LTBP1: variants seen among roughly 807,000 people sequenced by gnomAD.
The protein encoded by LTBP1 is latent transforming growth factor beta binding protein 1.
Under a neutral mutation model 207.6 loss-of-function variants are expected in LTBP1, and 129 were observed. That is an observed-to-expected ratio of 0.62 (90% CI 0.54 to 0.72). LTBP1 has a LOEUF of 0.72. Among genes scored for constraint, LTBP1 ranks in the 30% least tolerant of loss-of-function variants. The pLI, the probability that LTBP1 is intolerant of heterozygous loss-of-function variation, is 0.00. For synonymous variants in LTBP1, 963 were observed against 833.7 expected, an observed-to-expected ratio of 1.16 and a Z score of -2.67; for missense variants, 2,281 against 2,217.2, an observed-to-expected ratio of 1.03 and a Z score of -0.58.
At chr2:33,051,124 A>G (rs1425325319) in intron 3 of LTBP1, among the ~76,000 whole-genome samples, 1 of 152,084 alleles carries the variant, frequency 6.6e-6, no homozygotes, top group Non-Finnish European at 1.5e-5. Context: ...TGCTGTAAAA[A>G]CTATAGTCCC....
chr2:33,247,523 A>G (rs1238432552), intron 10 of LTBP1, among the ~76,000 whole-genome samples: 1 of 152,240 alleles, frequency 6.6e-6, no homozygotes, highest in African/African-American at 2.4e-5. Context: ...TCATTTACTT[A>G]TTGCCTAATG....
chr2:33,373,807 T>G (rs2095101888), intron 31 of LTBP1, among the ~76,000 whole-genome samples: 4 of 152,204 alleles, frequency 2.6e-5, no homozygotes. Context: ...TAAAGTTGTA[T>G]TTAATGAAAT....
At position 33,137,110 on chromosome 2, in the gene LTBP1, A is replaced by G. The variant is rs149380780; in HGVS notation, c.1201+2150A>G. Among the ~76,000 whole-genome samples the G allele has an allele frequency of 5.3e-3, 803 of 152,324 alleles. 9 individuals are homozygous for G. The highest frequency in any genetic ancestry group is 0.018 in the African/African-American group (752 of 41,570). The stretch of plus-strand genomic sequence containing the variant: ...TTCTTTCTTTAAGAATGGTAATTTT[A>G]TAGAACTTATAGACTGTGATCCTTT... On this transcript the variant is annotated intron_variant, in intron 5 of 33. Transcript: ENST00000404816.
intron 3 of LTBP1, among the ~76,000 whole-genome samples, chr2:33,093,212 A>G (rs2079200453): frequency 1.3e-5 from 2 of 152,246 alleles, no homozygotes; most frequent in Non-Finnish European, 2.9e-5. Flanking sequence ...TTTCACTTAC[A>G]TGTATTTTCA....
chr2:33,384,399 C>T (rs762175097), intron 31 of LTBP1, among the ~76,000 whole-genome samples: 2 of 151,988 alleles, frequency 1.3e-5, no homozygotes, highest in South Asian at 2.1e-4. Flanking sequence ...TGCAGTGGGT[C>T]GGGGAGGGTC....
chr2:33,366,973 A>G (rs1177036807), intron 31 of LTBP1, among the ~76,000 whole-genome samples: 3 of 152,140 alleles, frequency 2.0e-5, no homozygotes, highest in Non-Finnish European at 2.9e-5. Context: ...TAAAATAATC[A>G]AAGAGGTTAT....
rs375220047 is a variant in LTBP1, at chr2:33,252,884, C to T, written c.2167+40C>T. On this transcript the variant is annotated intron_variant, in intron 11 of 33. Transcript: ENST00000404816. ...GCTGTATGCGCACATAGATTCCCAG[C>T]CACATGAGTACACGGGACAACTTTG... 201 of 1,528,270 alleles carry T rather than the reference C, an allele frequency of 1.3e-4. No individual in the cohort carries two copies. The African/African-American group carries it at 2.4e-3, about 19-fold the overall frequency. 94.7% of individuals were successfully genotyped at this position (1,528,270 alleles called of 1,614,324 possible). A position where few individuals can be genotyped will look rare whatever the true frequency, so the allele number is the denominator to read the frequency against.
At chr2:33,363,731 A>C (rs1231070955) in intron 29 of LTBP1, among the ~76,000 whole-genome samples, 1 of 152,210 alleles carries the variant, frequency 6.6e-6, no homozygotes, top group Non-Finnish European at 1.5e-5. Context: ...TCAAACAAAG[A>C]GTTAATATTC....
In LTBP1 at chr2:33,301,434, C is replaced by A; in HGVS notation, c.3359-88C>A. ...CATTACTTGTATCAACATTGTCTTTCTAGAATTTACACTGATCCAATTGAG... is the reference window on the plus strand; with the variant it reads ...CATTACTTGTATCAACATTGTCTTTATAGAATTTACACTGATCCAATTGAG... On this transcript the variant is annotated intron_variant, in intron 21 of 33. Transcript: ENST00000404816. 5 of 1,399,258 alleles carry A rather than the reference C, an allele frequency of 3.6e-6. No homozygotes were observed. The South Asian group carries it at 7.1e-5, about 20-fold the overall frequency. The allele number at this position is 1,399,258 out of a possible 1,614,324, so 86.7% of individuals were successfully genotyped here.
intron 4 of LTBP1, among the ~76,000 whole-genome samples, chr2:33,113,298 A>G (rs1001633400): frequency 2.0e-5 from 3 of 152,230 alleles, no homozygotes; most frequent in Non-Finnish European, 2.9e-5. Context: ...CTCTTAGCTC[A>G]TAATAGGAGA....
chr2:33,392,473 C>A (rs1412654343), intron 32 of LTBP1, among the ~76,000 whole-genome samples: 1 of 152,196 alleles, frequency 6.6e-6, no homozygotes, highest in East Asian at 1.9e-4. Flanking sequence ...GTGTGAGACA[C>A]CGCACCGAGC....
intron 7 of LTBP1, among the ~76,000 whole-genome samples, chr2:33,193,308 A>T (rs1281771245): frequency 6.6e-6 from 1 of 151,930 alleles, no homozygotes; most frequent in African/African-American, 2.4e-5. Flanking sequence ...CACCCAGCTA[A>T]TTTTTGTATT....
intron 18 of LTBP1, 51 bp downstream of exon 18, chr2:33,275,974 G>C: frequency 6.6e-7 from 1 of 1,511,778 alleles, no homozygotes; most frequent in Non-Finnish European, 8.8e-7. Flanking sequence ...TGCAGGGTTG[G>C]TAGGCACCTT....
Position 33,263,292 on chromosome 2 carries a change from A to T in LTBP1, c.2519-2A>T, listed in dbSNP as rs1383797085. The T allele has an allele frequency of 6.3e-7, 1 of 1,588,890 alleles. No homozygotes were observed. Among genetic ancestry groups the T allele is most frequent in the Admixed American group, 1.7e-5 (1 of 59,986 alleles). The stretch of plus-strand genomic sequence containing the variant: ...CTTTTTATCCTCTGCTTCCTCATAT[A>T]GTAGTGATTGAAAAAACATCACCTC... On this transcript the variant is annotated splice_acceptor_variant, in intron 14 of 33. Coordinates refer to ENST00000404816, the MANE Select transcript of LTBP1 (RefSeq NM_206943.4). LOFTEE classifies it high-confidence loss of function.
chr2:33,376,065 T>C (rs1266461757), intron 31 of LTBP1, among the ~76,000 whole-genome samples: 1 of 152,234 alleles, frequency 6.6e-6, no homozygotes, highest in African/African-American at 2.4e-5. Flanking sequence ...AATTAAAATT[T>C]TGAACACTTT....
chr2:33,391,586 G>A (rs767880682), intron 32 of LTBP1, among the ~76,000 whole-genome samples: 1 of 152,142 alleles, frequency 6.6e-6, no homozygotes, highest in Non-Finnish European at 1.5e-5. Context: ...CAATAACTCT[G>A]TTCTTAGATG....
At chr2:33,336,386 G>C (rs2149559587) in intron 24 of LTBP1, among the ~76,000 whole-genome samples, 1 of 152,314 alleles carries the variant, frequency 6.6e-6, no homozygotes, top group Admixed American at 6.5e-5. Context: ...ACCAGGCCCT[G>C]TTCCTCTGCC....
intron 3 of LTBP1, among the ~76,000 whole-genome samples, chr2:33,089,155 C>CAAAAAAA (rs61009791): frequency 2.3e-4 from 22 of 96,270 alleles, no homozygotes; most frequent in South Asian, 3.6e-4. Flanking sequence ...GACTCAGTCT[C>CAAAAAAA]AAAAAAAAAA....
Position 33,252,813 on chromosome 2 carries a change from A to C in LTBP1, c.2136A>C (p.Pro712=), listed in dbSNP as rs1405782725. 1.9e-6 allele frequency: 3 copies of C among 1,610,496 alleles called. No individual in the cohort carries two copies. In the African/African-American group the frequency reaches 4.0e-5, roughly 22 times the overall value. Residue 712 remains proline (P), a synonymous_variant, in exon 11 of 34, where the codon CCA becomes CCC. Coordinates refer to ENST00000404816, the MANE Select transcript of LTBP1 (RefSeq NM_206943.4). ...CCCSVGKAWG[P]HCEKCPLPGT... ...GTAGTGTGGGCAAGGCCTGGGGCCC[A>C]CACTGTGAGAAATGTCCCCTTCCAG...
Sources: gnomAD v4.1 joint callset for allele counts (sites outside exome capture counted in the v4.1 genomes callset) on GRCh38, gnomAD v4.1.1 for gene constraint, MANE v1.5 for transcripts, NCBI Gene and HGNC (gene_info 2026-07-23, HGNC 2026-07-21) for gene names.